Variants in CAMK1D observed in about 807,000 individuals in gnomAD.
CAMK1D encodes the protein calcium/calmodulin-dependent protein kinase type 1D.
A neutral mutation model predicts 47.7 loss-of-function variants in CAMK1D; 9 were observed. The ratio of observed to expected loss-of-function variants is 0.19; its 90% CI spans 0.11 to 0.33. The LOEUF is 0.33. Among genes scored for constraint, CAMK1D ranks in the 10% least tolerant of loss-of-function variants. CAMK1D has a pLI of 1.00. For missense variants in CAMK1D, 291 were observed against 488.7 expected, an observed-to-expected ratio of 0.60 and a Z score of 3.81; for synonymous variants, 184 against 184.9, an observed-to-expected ratio of 0.99 and a Z score of 0.04.
chr10:12,644,779 C>G (rs1392795008), intron 2 of CAMK1D, among the ~76,000 whole-genome samples: 3 of 152,168 alleles, frequency 2.0e-5, no homozygotes, highest in African/African-American at 7.2e-5. Flanking sequence ...TGACTTTCAA[C>G]ATTATTTTTT....
At chr10:12,427,897 G>A (rs1335302450) in intron 1 of CAMK1D, among the ~76,000 whole-genome samples, 4 of 151,008 alleles carry the variant, frequency 2.6e-5, no homozygotes, top group Admixed American at 6.6e-5. Flanking sequence ...TAGTAGAGAC[G>A]GGGTTTCACC....
chr10:12,535,627 A>G (rs1016050536), intron 1 of CAMK1D, among the ~76,000 whole-genome samples: 15 of 152,234 alleles, frequency 9.9e-5, no homozygotes, highest in Admixed American at 1.3e-4. Flanking sequence ...CTCTGCAAAC[A>G]TGGACAGGTT....
chr10:12,372,101 C>G (rs541863718), intron 1 of CAMK1D, among the ~76,000 whole-genome samples: 13 of 152,304 alleles, frequency 8.5e-5, no homozygotes, highest in African/African-American at 3.1e-4. Context: ...GGTTGGCAGT[C>G]TAGGAGCAGT....
At chr10:12,394,699 A>G (rs1838876352) in intron 1 of CAMK1D, among the ~76,000 whole-genome samples, 1 of 152,202 alleles carries the variant, frequency 6.6e-6, no homozygotes, top group African/African-American at 2.4e-5. Flanking sequence ...CTGGGCATGA[A>G]GGAACCAGTG....
Position 12,664,674 on chromosome 10 carries a change from C to T in CAMK1D, c.225-2062C>T, listed in dbSNP as rs530012050. On this transcript the variant is annotated intron_variant, in intron 2 of 10. Coordinates refer to ENST00000619168, the MANE Select transcript of CAMK1D (RefSeq NM_153498.4). The stretch of plus-strand genomic sequence containing the variant: ...GTAAGCAGAGTGATTAGATTTAGCA[C>T]GTGAAAATACAGCATGCCCAGTTAC... Among the ~76,000 whole-genome samples the T allele has an allele frequency of 5.9e-5, 9 of 152,294 alleles. No homozygotes were observed. In the South Asian group the frequency reaches 8.3e-4, roughly 14 times the overall value.
chr10:12,351,474 C>T (rs904573001), intron 1 of CAMK1D, among the ~76,000 whole-genome samples: 2 of 152,132 alleles, frequency 1.3e-5, no homozygotes, highest in African/African-American at 2.4e-5. Context: ...ATCCAGGACC[C>T]GCACTGTGGC....
chr10:12,386,728 A>G (rs1204045784), intron 1 of CAMK1D, among the ~76,000 whole-genome samples: 2 of 152,210 alleles, frequency 1.3e-5, no homozygotes, highest in Admixed American at 1.3e-4. Context: ...AACAGCAGTC[A>G]TCTGAAGGTG....
Position 12,829,188 on chromosome 10 carries a change from C to G in CAMK1D, c.*301C>G, listed in dbSNP as rs1459355663. On this transcript the variant is annotated 3_prime_UTR_variant, in exon 11 of 11. Transcript: ENST00000619168. ...CTCTCCCCTAACACCATCGTTTCCA[C>G]TCTTCTCAGTGTAGGTAACCGTCTA... 3.9e-6 allele frequency: 1 copy of G among 257,478 alleles called. No homozygotes were observed. The highest frequency in any genetic ancestry group is 2.2e-5 in the African/African-American group (1 of 44,560). The allele number at this position is 257,478 out of a possible 1,614,324, so 15.9% of individuals were successfully genotyped here. A position where few individuals can be genotyped will look rare whatever the true frequency, so the allele number is the denominator to read the frequency against.
intron 3 of CAMK1D, among the ~76,000 whole-genome samples, chr10:12,710,128 G>C (rs1168975584): frequency 1.3e-5 from 2 of 152,186 alleles, no homozygotes; most frequent in African/African-American, 4.8e-5. Flanking sequence ...TAAATGCTTA[G>C]AGCAGTATAT....
At chr10:12,406,420 T>G (rs1839426965) in intron 1 of CAMK1D, among the ~76,000 whole-genome samples, 1 of 152,062 alleles carries the variant, frequency 6.6e-6, no homozygotes, top group Admixed American at 6.6e-5. Flanking sequence ...TTTTTTTAAT[T>G]AAGCTGTTGG....
intron 1 of CAMK1D, among the ~76,000 whole-genome samples, chr10:12,500,330 C>G (rs1266018179): frequency 6.6e-6 from 1 of 152,178 alleles, no homozygotes; most frequent in Non-Finnish European, 1.5e-5. Flanking sequence ...CTTTCTTTGT[C>G]TCCTGGGTCA....
intron 2 of CAMK1D, among the ~76,000 whole-genome samples, chr10:12,635,246 G>A (rs572088734): frequency 1.8e-4 from 27 of 152,222 alleles, no homozygotes; most frequent in African/African-American, 6.0e-4. Flanking sequence ...GGTCTGACCC[G>A]GAATCCGGTT....
intron 1 of CAMK1D, among the ~76,000 whole-genome samples, chr10:12,420,770 C>T (rs1298988192): frequency 1.3e-5 from 2 of 152,122 alleles, no homozygotes; most frequent in South Asian, 2.1e-4. Context: ...CCACTTCTCT[C>T]CTATAAAATG....
chr10:12,740,498 T>C (rs1356098303), intron 3 of CAMK1D, among the ~76,000 whole-genome samples: 1 of 152,070 alleles, frequency 6.6e-6, no homozygotes, highest in East Asian at 1.9e-4. Context: ...CTCGGGAGGC[T>C]GAGACAGGAG....
rs1274006996 is a variant in CAMK1D, at chr10:12,515,440, T to G, written c.93-37785T>G. ...TTTCTTTTTTTTTTTCATTATACTT[T>G]AAGTTTTAGGGTACACGTGCACATT... On this transcript the variant is annotated intron_variant, in intron 1 of 10. Coordinates refer to ENST00000619168, the MANE Select transcript of CAMK1D (RefSeq NM_153498.4). Among the ~76,000 whole-genome samples the G allele has an allele frequency of 2.1e-5, 3 of 144,196 alleles. No homozygotes were observed. The East Asian group carries it at 5.9e-4, about 28-fold the overall frequency. 94.6% of individuals were successfully genotyped at this position (144,196 alleles called of 152,430 possible).
chr10:12,722,490 A>AT (rs1310389818), intron 3 of CAMK1D, among the ~76,000 whole-genome samples: 1 of 150,804 alleles, frequency 6.6e-6, no homozygotes, highest in Non-Finnish European at 1.5e-5. Context: ...ACTCCAAAGA[A>AT]TTTGAAAAGT....
At position 12,415,192 on chromosome 10, in the gene CAMK1D, A is replaced by C. The variant is rs371109378; in HGVS notation, c.92+65282A>C. Among the ~76,000 whole-genome samples, 331 of 151,980 alleles carry C rather than the reference A, an allele frequency of 2.2e-3. 2 individuals are homozygous for C. Among genetic ancestry groups the C allele is most frequent in the African/African-American group, 7.4e-3 (307 of 41,482 alleles). ...AGTCTATTAATATCACTTAAAATGC[A>C]TGTGATATTTCTTTTTAAAAACAAA... On this transcript the variant is annotated intron_variant, in intron 1 of 10. Transcript: ENST00000619168.
intron 2 of CAMK1D, among the ~76,000 whole-genome samples, chr10:12,620,206 AAAAAAAAAAAAAT>A (rs1838954619): frequency 1.3e-5 from 2 of 150,930 alleles, no homozygotes; most frequent in African/African-American, 4.8e-5. Context: ...AAAAAAAAAA[AAAAAAAAAAAAAT>A]AAAGCTGCTA....
At chr10:12,562,728 C>T (rs548132057) in intron 2 of CAMK1D, among the ~76,000 whole-genome samples, 5 of 152,296 alleles carry the variant, frequency 3.3e-5, no homozygotes, top group South Asian at 2.1e-4. Context: ...TGAGATTCCA[C>T]GGCACCAAGG....
Sources: gnomAD v4.1 joint callset for allele counts (sites outside exome capture counted in the v4.1 genomes callset) on GRCh38, gnomAD v4.1.1 for gene constraint, MANE v1.5 for transcripts, NCBI Gene and HGNC (gene_info 2026-07-23, HGNC 2026-07-21) for gene names.